The following DNAH7 variants were observed in gnomAD, a reference collection of about 807,000 sequenced individuals.
The protein encoded by DNAH7 is axonemal beta dynein heavy chain 7.
Under a neutral mutation model 444.6 loss-of-function variants are expected in DNAH7, and 397 were observed. The ratio of observed to expected loss-of-function variants is 0.89; its 90% CI spans 0.82 to 0.97. The LOEUF is 0.97. Among genes scored for constraint, DNAH7 ranks in the 50% least tolerant of loss-of-function variants. The probability of loss-of-function intolerance (pLI) is 0.00; values close to 1 mark genes in which losing one functional copy is unlikely to be tolerated. For missense variants in DNAH7, 4,902 were observed against 4,800.8 expected (o/e 1.02, Z -0.62); for synonymous variants, 1,636 against 1,624.4 (o/e 1.01, Z -0.17).
intron 61 of DNAH7, among the ~76,000 whole-genome samples, chr2:195,756,716 A>G (rs2105913015): frequency 6.6e-6 from 1 of 152,200 alleles, no homozygotes; most frequent in African/African-American, 2.4e-5. Context: ...ATAGGAAGCC[A>G]GGCAAGGTGG....
At chr2:195,764,844 A>C (rs1694500911) in intron 61 of DNAH7, among the ~76,000 whole-genome samples, 1 of 151,886 alleles carries the variant, frequency 6.6e-6, no homozygotes, top group African/African-American at 2.4e-5. Flanking sequence ...AACCCCCATC[A>C]AAATACCTAT....
Position 195,847,225 on chromosome 2 carries a change from G to A in DNAH7, c.8782-2060C>T, listed in dbSNP as rs73062495. ...CTCTAGAGAATCCTAACACACATGT[G>A]TATGTTCATCGCAGCACTATTCACA... On this transcript the variant is annotated intron_variant, in intron 46 of 64. Coordinates refer to ENST00000312428, the MANE Select transcript of DNAH7 (RefSeq NM_018897.3). Among the ~76,000 whole-genome samples, 8 of 150,772 alleles carry A rather than the reference G, an allele frequency of 5.3e-5. No homozygotes were observed. In the South Asian group the frequency reaches 1.7e-3, roughly 31 times the overall value.
intron 52 of DNAH7, among the ~76,000 whole-genome samples, chr2:195,809,457 T>C (rs1296512708): frequency 6.6e-6 from 1 of 152,176 alleles, no homozygotes; most frequent in Non-Finnish European, 1.5e-5. Flanking sequence ...GGTGTAAACG[T>C]ATCAATATTA....
intron 47 of DNAH7, among the ~76,000 whole-genome samples, chr2:195,836,496 T>TA (rs200912135): frequency 0.04 from 5,645 of 139,500 alleles, 323 homozygotes; most frequent in East Asian, 0.27. Context: ...GACCCTGTCT[T>TA]AAAAAAAAAA....
chr2:196,017,227 C>A (rs2125741158), intron 9 of DNAH7, among the ~76,000 whole-genome samples: 1 of 152,258 alleles, frequency 6.6e-6, no homozygotes, highest in African/African-American at 2.4e-5. Flanking sequence ...CTTCGGCAGG[C>A]TGGTCTTGAA....
intron 58 of DNAH7, among the ~76,000 whole-genome samples, chr2:195,782,600 A>C (rs867997954): frequency 2.0e-5 from 3 of 147,896 alleles, no homozygotes; most frequent in Non-Finnish European, 4.4e-5. Context: ...ATTTTTTTCC[A>C]AAAAAAATCG....
chr2:196,023,687 G>A (rs1170449705), intron 8 of DNAH7, among the ~76,000 whole-genome samples: 3 of 152,172 alleles, frequency 2.0e-5, no homozygotes, highest in South Asian at 2.1e-4. Flanking sequence ...TGTTGGTCAT[G>A]TGTTCAATGG....
chr2:195,782,593 T>TTTTTCCAAAAATACGA (rs1389440383), intron 58 of DNAH7, among the ~76,000 whole-genome samples: 14 of 151,950 alleles, frequency 9.2e-5, no homozygotes, highest in African/African-American at 3.2e-4. Context: ...ATTAGCCATT[T>TTTTTCCAAAAATACGA]TTTTCCAAAA....
intron 2 of DNAH7, among the ~76,000 whole-genome samples, chr2:196,053,991 C>T (rs540829705): frequency 1.6e-4 from 25 of 152,264 alleles, no homozygotes; most frequent in East Asian, 7.7e-4. Context: ...ACCTGACCCT[C>T]GTCAGACTTC....
chr2:195,921,817 A>G (rs775093886), intron 24 of DNAH7, among the ~76,000 whole-genome samples: 107 of 152,310 alleles, frequency 7.0e-4, no homozygotes, highest in Non-Finnish European at 1.1e-3. Context: ...ATGATCCAAG[A>G]AAAAGTCAGA....
intron 9 of DNAH7, among the ~76,000 whole-genome samples, chr2:196,018,725 G>C (rs1695176405): frequency 6.6e-6 from 1 of 152,110 alleles, no homozygotes; most frequent in African/African-American, 2.4e-5. Context: ...TATATAGTTA[G>C]ACAGAATGAA....
chr2:196,049,242 T>C (rs76905553), intron 3 of DNAH7, among the ~76,000 whole-genome samples: 2,740 of 152,306 alleles, frequency 0.018, 76 homozygotes, highest in African/African-American at 0.062. Flanking sequence ...CCTAATAAAC[T>C]ACCTGTACAC....
chr2:195,907,105 T>A (rs1687074959), intron 25 of DNAH7, 96 bp from the exon 26 acceptor site: 4 of 930,908 alleles, frequency 4.3e-6, no homozygotes, highest in Non-Finnish European at 1.6e-6. Context: ...GGATTTAATA[T>A]CCTGTCAAAG....
chr2:195,917,611 C>A (rs1325002847), intron 24 of DNAH7, among the ~76,000 whole-genome samples: 1 of 152,204 alleles, frequency 6.6e-6, no homozygotes, highest in African/African-American at 2.4e-5. Context: ...TTGCCTCAAT[C>A]TCTCCTTCTG....
intron 42 of DNAH7, among the ~76,000 whole-genome samples, chr2:195,860,490 G>A (rs1699955293): frequency 6.6e-6 from 1 of 151,964 alleles, no homozygotes; most frequent in African/African-American, 2.4e-5. Context: ...GATTTCACTA[G>A]GTAGTTGAAA....
chr2:195,821,917 A>C (rs561136664), intron 49 of DNAH7, among the ~76,000 whole-genome samples: 13 of 152,262 alleles, frequency 8.5e-5, no homozygotes, highest in African/African-American at 3.1e-4. Context: ...AATAAGTGTA[A>C]AACAGCTTCT....
intron 55 of DNAH7, among the ~76,000 whole-genome samples, chr2:195,797,377 G>T (rs1294446241): frequency 6.6e-6 from 1 of 152,148 alleles, no homozygotes; most frequent in African/African-American, 2.4e-5. Flanking sequence ...CCTCCCGAAT[G>T]CCCATGGCTT....
chr2:195,972,111 T>G, intron 16 of DNAH7, 131 bp downstream of exon 16: 11 of 701,348 alleles, frequency 1.6e-5, no homozygotes, highest in Non-Finnish European at 2.6e-5. Context: ...ATATTTATAG[T>G]GAGATTATAG....
chr2:195,837,408 A>G (rs1698429084), intron 47 of DNAH7, among the ~76,000 whole-genome samples: 1 of 152,204 alleles, frequency 6.6e-6, no homozygotes. Flanking sequence ...AACAAAATAC[A>G]AAAAACAACT....
Sources: gnomAD v4.1 joint callset for allele counts (sites outside exome capture counted in the v4.1 genomes callset) on GRCh38, gnomAD v4.1.1 for gene constraint, MANE v1.5 for transcripts, NCBI Gene and HGNC (gene_info 2026-07-23, HGNC 2026-07-21) for gene names.